Variants in MDFIC2 observed in about 807,000 individuals in gnomAD.
The protein encoded by MDFIC2 is MyoD family inhibitor domain containing 2, also known as myoD family inhibitor domain-containing protein 2.
chr3:70,299,601 C>T (rs879364155), intron 2 of MDFIC2, among the ~76,000 whole-genome samples: 2 of 152,076 alleles, frequency 1.3e-5, no homozygotes, highest in African/African-American at 2.4e-5. Context: ...TCTTGGGTGC[C>T]AGCCCTTTGT....
intron 2 of MDFIC2, among the ~76,000 whole-genome samples, chr3:70,286,312 G>A (rs1237245169): frequency 1.3e-5 from 2 of 152,260 alleles, no homozygotes; most frequent in East Asian, 3.9e-4. Flanking sequence ...TTATTAAATA[G>A]GGAATCCTTT....
intron 2 of MDFIC2, among the ~76,000 whole-genome samples, chr3:70,299,809 G>C (rs1403075): frequency 0.21 from 31,582 of 151,890 alleles, 3,486 homozygotes; most frequent in South Asian, 0.28. Context: ...CCTTCCTGAA[G>C]CCAACCTCAC....
chr3:70,299,473 C>A (rs1403077), intron 2 of MDFIC2, among the ~76,000 whole-genome samples: 31,538 of 151,934 alleles, frequency 0.21, 3,468 homozygotes, highest in South Asian at 0.28. Context: ...GCACATACCC[C>A]TAGAGACATA....
intron 2 of MDFIC2, among the ~76,000 whole-genome samples, chr3:70,214,541 A>C (rs1701385880): frequency 1.3e-5 from 2 of 151,760 alleles, no homozygotes; most frequent in Admixed American, 1.3e-4. Context: ...AAGGCTGAGC[A>C]TGGCCCCCTC....
At chr3:70,211,283 G>GCCATT (rs1354029984) in intron 2 of MDFIC2, among the ~76,000 whole-genome samples, 5 of 121,078 alleles carry the variant, frequency 4.1e-5, no homozygotes, top group Admixed American at 4.0e-4. Context: ...CCTTCCCTTT[G>GCCATT]CCCTTCCCTT....
chr3:70,282,928 T>C (rs186540497), intron 2 of MDFIC2, among the ~76,000 whole-genome samples: 20 of 152,228 alleles, frequency 1.3e-4, no homozygotes, highest in Admixed American at 6.5e-4. Flanking sequence ...AAAGGGGTAA[T>C]AAAAGATGAC....
At chr3:70,209,687 G>A (rs1422979233) in intron 2 of MDFIC2, among the ~76,000 whole-genome samples, 1 of 151,994 alleles carries the variant, frequency 6.6e-6, no homozygotes, top group African/African-American at 2.4e-5. Flanking sequence ...TTTATATTAT[G>A]CAATGTTTTC....
At chr3:70,255,741 TC>T (rs2106656371) in intron 2 of MDFIC2, among the ~76,000 whole-genome samples, 1 of 152,144 alleles carries the variant, frequency 6.6e-6, no homozygotes, top group Non-Finnish European at 1.5e-5. Context: ...ACAGGTATGA[TC>T]CCCCGTACCC....
intron 2 of MDFIC2, among the ~76,000 whole-genome samples, chr3:70,277,280 T>C (rs765320014): frequency 1.7e-4 from 26 of 152,342 alleles, no homozygotes; most frequent in Non-Finnish European, 2.9e-4. Flanking sequence ...ATTTTACATA[T>C]GAAATTCATT....
At chr3:70,280,187 G>C (rs1702066494) in intron 2 of MDFIC2, among the ~76,000 whole-genome samples, 1 of 152,026 alleles carries the variant, frequency 6.6e-6, no homozygotes, top group Admixed American at 6.6e-5. Flanking sequence ...CCCCATGGTT[G>C]TATCATCATC....
At chr3:70,297,751 A>G (rs188601316) in intron 2 of MDFIC2, among the ~76,000 whole-genome samples, 5 of 152,170 alleles carry the variant, frequency 3.3e-5, no homozygotes, top group Admixed American at 2.6e-4. Flanking sequence ...GAAGTCAGGT[A>G]ATTTGTAAAG....
intron 2 of MDFIC2, among the ~76,000 whole-genome samples, chr3:70,283,233 G>C (rs971658057): frequency 3.9e-5 from 6 of 152,120 alleles, no homozygotes; most frequent in African/African-American, 1.4e-4. Flanking sequence ...CACTGAAATA[G>C]ATTTGCGGGA....
chr3:70,197,568 A>G lies in MDFIC2; in HGVS notation c.311-383T>C, dbSNP rs116053501. On this transcript the variant is annotated intron_variant, in intron 3 of 3. Coordinates refer to ENST00000567252, the MANE Select transcript of MDFIC2 (RefSeq NM_001364677.1). ...CTCCCCAAATACAAGGGGCTTAAGA[A>G]GCAGTTAGGATTGGGGACAAGGAGA... Among the ~76,000 whole-genome samples, 1,244 of 152,336 alleles carry G rather than the reference A, an allele frequency of 8.2e-3. 14 individuals carry two copies. Among genetic ancestry groups the G allele is most frequent in the African/African-American group, 0.028 (1,181 of 41,576 alleles).
intron 2 of MDFIC2, among the ~76,000 whole-genome samples, chr3:70,228,514 AG>A (rs1701529223): frequency 6.6e-6 from 1 of 151,846 alleles, no homozygotes; most frequent in Admixed American, 6.6e-5. Flanking sequence ...CCCCTGTTAT[AG>A]TTTTTCTAAG....
intron 2 of MDFIC2, among the ~76,000 whole-genome samples, chr3:70,237,998 T>TTTTTTA: frequency 7.1e-6 from 1 of 140,496 alleles, no homozygotes; most frequent in Non-Finnish European, 1.5e-5. Context: ...TTTTTTTTTT[T>TTTTTTA]TTTTTTTGCC....
chr3:70,285,557 C>A (rs887807417), intron 2 of MDFIC2, among the ~76,000 whole-genome samples: 1 of 151,776 alleles, frequency 6.6e-6, no homozygotes, highest in Non-Finnish European at 1.5e-5. Flanking sequence ...ATTTATAGTC[C>A]TTTGGGTATA....
At chr3:70,225,139 A>G (rs1701491594) in intron 2 of MDFIC2, among the ~76,000 whole-genome samples, 1 of 152,226 alleles carries the variant, frequency 6.6e-6, no homozygotes, top group South Asian at 2.1e-4. Flanking sequence ...CAAAGCAAGT[A>G]CATCCTTTCA....
rs567085937 is a variant in MDFIC2 at position 70,307,195 on chromosome 3, T to G, written c.88+4691A>C. Among the ~76,000 whole-genome samples the G allele has an allele frequency of 1.6e-3, 243 of 152,148 alleles. 1 individual carries two copies. Among genetic ancestry groups the G allele is most frequent in the African/African-American group, 5.3e-3 (218 of 41,516 alleles). On this transcript the variant is annotated intron_variant, in intron 2 of 3. Coordinates refer to ENST00000567252, the MANE Select transcript of MDFIC2 (RefSeq NM_001364677.1). ...GTCCTTGGTATTTTATTGTTGTTGT[T>G]TTGGTGGTGGTGTTGTTATTGTTGT...
chr3:70,285,858 T>C (rs1366994792), intron 2 of MDFIC2, among the ~76,000 whole-genome samples: 1 of 152,074 alleles, frequency 6.6e-6, no homozygotes, highest in Non-Finnish European at 1.5e-5. Flanking sequence ...AATGTCTTCT[T>C]TTGAGAAGTG....
Sources: allele counts gnomAD v4.1 joint callset (sites outside exome capture counted in the v4.1 genomes callset), GRCh38; gene constraint gnomAD v4.1.1; transcripts MANE v1.5; gene names NCBI Gene and HGNC (gene_info 2026-07-23, HGNC 2026-07-21).